Variants in SEPTIN9 observed in about 807,000 individuals in gnomAD.
The protein encoded by SEPTIN9 is septin 9.
A neutral mutation model predicts 56.6 loss-of-function variants in SEPTIN9; 13 were observed. The ratio of observed to expected loss-of-function variants is 0.23; its 90% CI spans 0.15 to 0.37. The LOEUF (loss-of-function observed/expected upper bound fraction) is 0.37, where lower values mean the gene tolerates loss of function less well. SEPTIN9 is among the 10% of genes least tolerant of loss of function. The pLI is 1.00. For synonymous variants in SEPTIN9, 332 were observed against 334.1 expected, an observed-to-expected ratio of 0.99 and a Z score of 0.07; for missense variants, 650 against 823.1, an observed-to-expected ratio of 0.79 and a Z score of 2.57.
chr17:77,498,703 C>T lies in SEPTIN9; in HGVS notation c.*45C>T, dbSNP rs756589796. On this transcript the variant is annotated 3_prime_UTR_variant, in exon 12 of 12. Coordinates refer to ENST00000427177, the MANE Select transcript of SEPTIN9 (RefSeq NM_001113491.2). ...CGGGATCCTGCCCCCAAGTCATTTC[C>T]GTCCCCCCCCAGGCCCTCCCACCAC... is the stretch of plus-strand genomic sequence containing the variant. 16 of 1,138,532 alleles carry T rather than the reference C, an allele frequency of 1.4e-5. No individual in the cohort carries two copies. The highest frequency in any genetic ancestry group is 6.2e-5 in the African/African-American group (2 of 32,154). 70.5% of individuals were successfully genotyped at this position (1,138,532 alleles called of 1,614,324 possible).
At chr17:77,490,164 C>T (rs898029752) in intron 7 of SEPTIN9, among the ~76,000 whole-genome samples, 3 of 152,222 alleles carry the variant, frequency 2.0e-5, no homozygotes. Flanking sequence ...TGTGTGTGAC[C>T]GATTTATTCT....
chr17:77,412,930 G>A (rs927121628), intron 3 of SEPTIN9, among the ~76,000 whole-genome samples: 2 of 152,062 alleles, frequency 1.3e-5, no homozygotes, highest in African/African-American at 4.8e-5. Flanking sequence ...TTATAGGAAA[G>A]AATTTCACCC....
intron 3 of SEPTIN9, among the ~76,000 whole-genome samples, chr17:77,408,744 T>A (rs1257476156): frequency 6.6e-6 from 1 of 152,048 alleles, no homozygotes; most frequent in African/African-American, 2.4e-5. Context: ...CTGGTGGGGA[T>A]CAGGGACTGT....
rs1568068566 is a variant in SEPTIN9 at position 77,437,005 on chromosome 17, A to G, written c.721+34302A>G. 6.6e-6 allele frequency among the ~76,000 whole-genome samples: 1 copy of G among 152,204 alleles called. No homozygotes were observed. Among genetic ancestry groups the G allele is most frequent in the Non-Finnish European group, 1.5e-5 (1 of 68,030 alleles). ...ACCTGGCCTCACTCCCTCGGTTTACAGTGGAGGAAACTAGAGGCCGAGAGA... is the reference window on the plus strand; with the variant it reads ...ACCTGGCCTCACTCCCTCGGTTTACGGTGGAGGAAACTAGAGGCCGAGAGA... On this transcript the variant is annotated intron_variant, in intron 3 of 11. Transcript: ENST00000427177. The surrounding 1 kb of genome is among the most constrained non-coding windows in gnomAD (Gnocchi z 5.3).
rs1247936444 is a variant in SEPTIN9 at position 77,310,485 on chromosome 17, G to A, written c.76+3288G>A. 1.3e-5 allele frequency among the ~76,000 whole-genome samples: 2 copies of A among 152,206 alleles called. No homozygotes were observed. Among genetic ancestry groups the A allele is most frequent in the African/African-American group, 4.8e-5 (2 of 41,460 alleles). ...GTTCACTTATTTTGGCAGCTAGCGA[G>A]TGTTCCTCTGTGTGGGGAGGCAGAG... On this transcript the variant is annotated intron_variant, in intron 2 of 11. Transcript: ENST00000427177. The surrounding 1 kb of genome is among the most constrained non-coding windows in gnomAD (Gnocchi z 4.7).
intron 1 of SEPTIN9, among the ~76,000 whole-genome samples, chr17:77,283,175 TTTTA>T (rs2031114936): frequency 6.7e-6 from 1 of 149,584 alleles, no homozygotes; most frequent in African/African-American, 2.5e-5. Flanking sequence ...TTTTTTTTTT[TTTTA>T]AAAAAAAGGA....
intron 2 of SEPTIN9, among the ~76,000 whole-genome samples, chr17:77,393,709 C>T (rs898040244): frequency 6.6e-6 from 1 of 152,164 alleles, no homozygotes; most frequent in African/African-American, 2.4e-5. Flanking sequence ...GCCTCAGCCT[C>T]CCGAGTAGCT....
chr17:77,299,746 G>A (rs1260908547), intron 1 of SEPTIN9, among the ~76,000 whole-genome samples: 1 of 152,242 alleles, frequency 6.6e-6, no homozygotes, highest in Non-Finnish European at 1.5e-5. Context: ...AGGGCCATCT[G>A]GCAAGGTGGA....
Position 77,308,096 on chromosome 17 carries a change from G to A in SEPTIN9, c.76+899G>A, listed in dbSNP as rs1479852632. The stretch of plus-strand genomic sequence containing the variant: ...AGGATGATGGGTCACAGCAATGAAT[G>A]GACTTACCTCCCCTAGGAGACGAGG... On this transcript the variant is annotated intron_variant, in intron 2 of 11. Coordinates refer to ENST00000427177, the MANE Select transcript of SEPTIN9 (RefSeq NM_001113491.2). Among the ~76,000 whole-genome samples, 3 of 152,186 alleles carry A rather than the reference G, an allele frequency of 2.0e-5. No homozygotes were observed. In the East Asian group the frequency reaches 5.8e-4, roughly 29 times the overall value.
At chr17:77,337,307 C>G (rs1044011721) in intron 2 of SEPTIN9, among the ~76,000 whole-genome samples, 2 of 152,242 alleles carry the variant, frequency 1.3e-5, no homozygotes, top group Non-Finnish European at 2.9e-5. Context: ...CTGTGCAGGC[C>G]TGATTTTTTA....
rs1005389002 is a variant in SEPTIN9 at position 77,329,589 on chromosome 17, G to A, written c.76+22392G>A. Among the ~76,000 whole-genome samples, 3 of 152,112 alleles carry A rather than the reference G, an allele frequency of 2.0e-5. No individual in the cohort carries two copies. The highest frequency in any genetic ancestry group is 7.2e-5 in the African/African-American group (3 of 41,416). Reference sequence around the variant, plus strand: ...GGAGGAGGAAGCACGCTCATCCCTCGTTCCTTCCTGTTTCGTGGGATGCTG... The same window carrying A: ...GGAGGAGGAAGCACGCTCATCCCTCATTCCTTCCTGTTTCGTGGGATGCTG... On this transcript the variant is annotated intron_variant, in intron 2 of 11. Transcript: ENST00000427177. The surrounding 1 kb of genome is among the most constrained non-coding windows in gnomAD (Gnocchi z 4.3).
intron 3 of SEPTIN9, among the ~76,000 whole-genome samples, chr17:77,432,708 C>CA (rs2037190903): frequency 6.6e-6 from 1 of 152,374 alleles, no homozygotes; most frequent in African/African-American, 2.4e-5. Flanking sequence ...CTGCGGCACT[C>CA]ACGCAGCATT....
intron 3 of SEPTIN9, among the ~76,000 whole-genome samples, chr17:77,474,371 G>A (rs975683538): frequency 7.9e-5 from 12 of 152,248 alleles, no homozygotes; most frequent in Admixed American, 4.6e-4. Context: ...CCAGTAGCTG[G>A]TACCATCATC....
intron 2 of SEPTIN9, chr17:77,375,266 G>C (rs912386287): frequency 1.3e-5 from 2 of 152,262 alleles, no homozygotes; most frequent in African/African-American, 4.8e-5. Context: ...CCACTTTCCA[G>C]TAAGCCCTTA....
chr17:77,281,558 G>A lies in SEPTIN9; in HGVS notation c.19+4G>A. 1.3e-6 allele frequency: 2 copies of A among 1,542,964 alleles called. No homozygotes were observed. The highest frequency in any genetic ancestry group is 2.0e-5 in the Admixed American group (1 of 51,004). On this transcript the variant is annotated splice_donor_region_variant and intron_variant, in intron 1 of 11. Transcript: ENST00000427177. Reference sequence around the variant, plus strand: ...ACCATGAAGAAGTCTTACTCAGGTGGGCTTCGCGCCCGGGGTGGGGAGGGG... The same window carrying A: ...ACCATGAAGAAGTCTTACTCAGGTGAGCTTCGCGCCCGGGGTGGGGAGGGG...
chr17:77,342,773 G>GA (rs1443078858), intron 2 of SEPTIN9, among the ~76,000 whole-genome samples: 1 of 152,106 alleles, frequency 6.6e-6, no homozygotes, highest in African/African-American at 2.4e-5. Context: ...AGGAGTTTGA[G>GA]ACCAGCCTGG....
chr17:77,324,549 G>A (rs1358622278), intron 2 of SEPTIN9, among the ~76,000 whole-genome samples: 1 of 152,214 alleles, frequency 6.6e-6, no homozygotes, highest in Non-Finnish European at 1.5e-5. Flanking sequence ...GCTCATGGTT[G>A]TGAGGGGTCT....
chr17:77,326,050 A>G lies in SEPTIN9; in HGVS notation c.76+18853A>G, dbSNP rs1332395579. ...TCTAGGTTGGCTTGTCACCCCTGGA[A>G]GCACTTGCCATCCTTATACAGCACC... On this transcript the variant is annotated intron_variant, in intron 2 of 11. Coordinates refer to ENST00000427177, the MANE Select transcript of SEPTIN9 (RefSeq NM_001113491.2). This position sits in a 1 kb window ranked among gnomAD's most constrained non-coding sequence, Gnocchi z 5.1. Among the ~76,000 whole-genome samples the G allele has an allele frequency of 2.6e-5, 4 of 152,096 alleles. No homozygotes were observed. Among genetic ancestry groups the G allele is most frequent in the African/African-American group, 9.7e-5 (4 of 41,402 alleles).
At chr17:77,469,802 C>T (rs2038901202) in intron 3 of SEPTIN9, 1 of 149,102 alleles carries the variant, frequency 6.7e-6, no homozygotes, top group African/African-American at 2.6e-5. Flanking sequence ...CCCATCCACG[C>T]ACCCACCCAT....
Sources: gnomAD v4.1 joint callset for allele counts (sites outside exome capture counted in the v4.1 genomes callset) on GRCh38, gnomAD v4.1.1 for gene constraint, Gnocchi (gnomAD v3.1) non-coding constraint, MANE v1.5 for transcripts, NCBI Gene and HGNC (gene_info 2026-07-23, HGNC 2026-07-21) for gene names.